The following RBFOX1 variants were observed in gnomAD, a reference collection of about 807,000 sequenced individuals.
The protein encoded by RBFOX1 is RNA binding protein fox-1 homolog 1.
In RBFOX1, 8 loss-of-function variants were observed where a neutral mutation model predicts 57.7. That is an observed-to-expected ratio of 0.14 (90% CI 0.08 to 0.25). The LOEUF (loss-of-function observed/expected upper bound fraction) is 0.25. Ranked by LOEUF, RBFOX1 falls within the 10% of genes least tolerant of loss-of-function variation. The pLI is 1.00. For synonymous variants in RBFOX1, 326 were observed against 222.4 expected (o/e 1.47, Z -4.15); for missense variants, 611 against 548.5 (o/e 1.11, Z -1.14).
intron 2 of RBFOX1, among the ~76,000 whole-genome samples, chr16:6,444,595 G>A (rs2094448522): frequency 6.6e-6 from 1 of 152,144 alleles, no homozygotes; most frequent in Admixed American, 6.5e-5. Context: ...ATGATTGTGA[G>A]GCCTCCCCAG....
intron 2 of RBFOX1, among the ~76,000 whole-genome samples, chr16:6,510,075 G>T (rs1034781510): frequency 1.3e-5 from 2 of 152,128 alleles, no homozygotes; most frequent in South Asian, 2.1e-4. Context: ...TCCTAGGGAT[G>T]CTTATAGTTA....
rs189309404 is a variant in RBFOX1, at chr16:5,970,209, G to A, written c.351+102874G>A. Among the ~76,000 whole-genome samples, 63 of 152,200 alleles carry A rather than the reference G, an allele frequency of 4.1e-4. No homozygotes were observed. In the East Asian group the frequency reaches 0.01, roughly 25 times the overall value. Reference sequence around the variant, plus strand: ...GTTGGTCTCTGTCCACTTATATCTTGACATTCATGAAGGCACTTTGTTGTT... The same window carrying A: ...GTTGGTCTCTGTCCACTTATATCTTAACATTCATGAAGGCACTTTGTTGTT... On this transcript the variant is annotated intron_variant, in intron 4 of 19. Coordinates refer to the RBFOX1 transcript ENST00000641259.
intron 1 of RBFOX1, among the ~76,000 whole-genome samples, chr16:5,466,260 C>G (rs1480607965): frequency 1.3e-5 from 2 of 152,318 alleles, no homozygotes; most frequent in East Asian, 1.9e-4. Context: ...CATACAGTGT[C>G]TGTGCAGTGG....
chr16:5,652,590 T>C (rs752900268), intron 3 of RBFOX1, among the ~76,000 whole-genome samples: 1 of 152,292 alleles, frequency 6.6e-6, no homozygotes, highest in East Asian at 1.9e-4. Context: ...ACTCCAGAAG[T>C]CTTTGCACGT....
chr16:6,104,113 A>G (rs978063388), intron 1 of RBFOX1, among the ~76,000 whole-genome samples: 2 of 150,662 alleles, frequency 1.3e-5, no homozygotes, highest in Non-Finnish European at 3.0e-5. Flanking sequence ...TAGGGACATC[A>G]TAGGTTTCTC....
At chr16:6,752,772 C>T (rs781638602) in intron 3 of RBFOX1, among the ~76,000 whole-genome samples, 13 of 151,856 alleles carry the variant, frequency 8.6e-5, no homozygotes, top group African/African-American at 2.4e-4. Context: ...TCACTTCCAT[C>T]CTTTCCTGCT....
At chr16:6,545,121 A>C (rs2096877112) in intron 2 of RBFOX1, among the ~76,000 whole-genome samples, 2 of 152,170 alleles carry the variant, frequency 1.3e-5, no homozygotes, top group African/African-American at 4.8e-5. Flanking sequence ...ATATCTAAAA[A>C]TCCGCGTACT....
At position 6,540,094 on chromosome 16, in the gene RBFOX1, G is replaced by A. The variant is rs13333663; in HGVS notation, c.-63-114509G>A. ...CTTTGATGAAATAGAGAAGCAGGCTGCCCTCTGTCAGTTGAAGAACCCATG... is the reference window on the plus strand; with the variant it reads ...CTTTGATGAAATAGAGAAGCAGGCTACCCTCTGTCAGTTGAAGAACCCATG... On this transcript the variant is annotated intron_variant, in intron 2 of 15. Coordinates refer to ENST00000550418, the MANE Select transcript of RBFOX1 (RefSeq NM_018723.4). Among the ~76,000 whole-genome samples, 698 of 151,506 alleles carry A rather than the reference G, an allele frequency of 4.6e-3. 5 individuals carry two copies. Among genetic ancestry groups the A allele is most frequent in the African/African-American group, 0.015 (609 of 40,886 alleles).
At chr16:5,521,902 G>A (rs1318344944) in intron 2 of RBFOX1, among the ~76,000 whole-genome samples, 1 of 152,304 alleles carries the variant, frequency 6.6e-6, no homozygotes, top group East Asian at 1.9e-4. Context: ...GACATGTTGA[G>A]ATGGATGGAT....
At chr16:7,616,524 C>G (rs574377550) in intron 10 of RBFOX1, among the ~76,000 whole-genome samples, 4 of 152,320 alleles carry the variant, frequency 2.6e-5, no homozygotes, top group African/African-American at 9.6e-5. Context: ...TGGATCAAAC[C>G]TATATGGTGT....
chr16:5,454,921 T>C (rs2068561546), intron 1 of RBFOX1, among the ~76,000 whole-genome samples: 1 of 53,420 alleles, frequency 1.9e-5, no homozygotes, highest in Non-Finnish European at 4.0e-5. Flanking sequence ...TTTCCTTTGT[T>C]TCTTTCTTCC....
chr16:6,742,797 G>T (rs1250087523), intron 3 of RBFOX1, among the ~76,000 whole-genome samples: 1 of 152,110 alleles, frequency 6.6e-6, no homozygotes, highest in Non-Finnish European at 1.5e-5. Context: ...GAAGTATAAA[G>T]ATTTGGACAT....
intron 1 of RBFOX1, among the ~76,000 whole-genome samples, chr16:5,251,785 A>T (rs2062459577): frequency 6.6e-6 from 1 of 152,060 alleles, no homozygotes; most frequent in Non-Finnish European, 1.5e-5. Context: ...ATGTGTCAAC[A>T]TTCCTCATGC....
At chr16:6,463,327 G>T (rs971042517) in intron 2 of RBFOX1, among the ~76,000 whole-genome samples, 1 of 152,086 alleles carries the variant, frequency 6.6e-6, no homozygotes, top group Non-Finnish European at 1.5e-5. Flanking sequence ...CACAATTTCT[G>T]AACTCTATTA....
intron 2 of RBFOX1, among the ~76,000 whole-genome samples, chr16:6,601,313 C>T (rs11645262): frequency 0.013 from 2,007 of 152,252 alleles, 24 homozygotes; most frequent in Non-Finnish European, 0.02. Flanking sequence ...CTTACACTCT[C>T]CCCTCTCTCA....
At chr16:6,681,538 C>G (rs534703741) in intron 3 of RBFOX1, among the ~76,000 whole-genome samples, 1 of 152,046 alleles carries the variant, frequency 6.6e-6, no homozygotes, top group South Asian at 2.1e-4. Context: ...TTTTTCATCT[C>G]CAAACTTTAG....
chr16:6,543,654 A>C (rs1230970407), intron 2 of RBFOX1, among the ~76,000 whole-genome samples: 1 of 152,100 alleles, frequency 6.6e-6, no homozygotes, highest in Admixed American at 6.5e-5. Context: ...GCCTGGTTGG[A>C]AAGAGGCACC....
intron 4 of RBFOX1, among the ~76,000 whole-genome samples, chr16:7,059,896 G>A (rs1314125232): frequency 6.6e-6 from 1 of 152,120 alleles, no homozygotes; most frequent in Non-Finnish European, 1.5e-5. Flanking sequence ...AAGAAAAAGA[G>A]CTGTTTCTAT....
intron 3 of RBFOX1, among the ~76,000 whole-genome samples, chr16:7,040,399 C>G (rs942065781): frequency 1.3e-5 from 2 of 152,098 alleles, no homozygotes; most frequent in African/African-American, 4.8e-5. Flanking sequence ...CAAATAACAT[C>G]TCATTTAATT....
Sources: allele counts gnomAD v4.1 joint callset (sites outside exome capture counted in the v4.1 genomes callset), GRCh38; gene constraint gnomAD v4.1.1; transcripts MANE v1.5; gene names NCBI Gene and HGNC (gene_info 2026-07-23, HGNC 2026-07-21).